The following EXOC1 variants were observed in gnomAD, a reference collection of about 807,000 sequenced individuals.
EXOC1 encodes the protein SEC3-like 1.
EXOC1 carries 67 observed loss-of-function variants against 107.7 expected under a neutral mutation model. The ratio of observed to expected loss-of-function variants is 0.62; its 90% CI spans 0.51 to 0.76. EXOC1 has a LOEUF of 0.76. Among genes scored for constraint, EXOC1 ranks in the 30% least tolerant of loss-of-function variants. The pLI is 0.00. For synonymous variants in EXOC1, 348 were observed against 353.5 expected (o/e 0.98, Z 0.17); for missense variants, 833 against 1,055.7 (o/e 0.79, Z 2.92).
At chr4:55,870,435 C>T (rs1722320674) in intron 5 of EXOC1, among the ~76,000 whole-genome samples, 1 of 152,202 alleles carries the variant, frequency 6.6e-6, no homozygotes, top group Non-Finnish European at 1.5e-5. Flanking sequence ...ATATAAAATC[C>T]TAAGGCATGG....
intron 8 of EXOC1, chr4:55,877,227 C>T (rs2110347021): frequency 3.0e-6 from 3 of 985,348 alleles, no homozygotes; most frequent in Non-Finnish European, 3.6e-6. Context: ...AGTTAACTAG[C>T]TCCAAAACTC....
rs1383154786 is a variant in EXOC1 at position 55,875,679 on chromosome 4, T to G, written c.1075-2238T>G. 7 of 985,060 alleles carry G rather than the reference T, an allele frequency of 7.1e-6. No individual in the cohort carries two copies. The African/African-American group carries it at 1.0e-4, about 15-fold the overall frequency. The allele number at this position is 985,060 out of a possible 1,614,324, so 61.0% of individuals were successfully genotyped here. The stretch of plus-strand genomic sequence containing the variant: ...TGAGGAAGATTGTTTTGGATAACGA[T>G]ACATTGTTACTAATAAAAACTATTT... On this transcript the variant is annotated intron_variant, in intron 8 of 18. Transcript: ENST00000381295.
At chr4:55,903,446 A>T (rs2109526936) in intron 18 of EXOC1, among the ~76,000 whole-genome samples, 1 of 152,312 alleles carries the variant, frequency 6.6e-6, no homozygotes, top group East Asian at 1.9e-4. Flanking sequence ...AGGGAGTAGC[A>T]TTCTAGAAAG....
In EXOC1 at chr4:55,863,478, G is replaced by A. The variant is rs555577600; in HGVS notation, c.256-749G>A. Among the ~76,000 whole-genome samples the A allele has an allele frequency of 1.7e-3, 253 of 152,166 alleles. 1 individual carries two copies. Among genetic ancestry groups the A allele is most frequent in the Non-Finnish European group, 4.7e-4 (32 of 67,998 alleles). On this transcript the variant is annotated intron_variant, in intron 3 of 18. Transcript: ENST00000381295. The stretch of plus-strand genomic sequence containing the variant: ...AACATTTTAAAAATTAGGCATGCTG[G>A]TATGTGTCCGTGTCCCCAGCTACTC...
chr4:55,901,141 C>T (rs1725854904), intron 17 of EXOC1, among the ~76,000 whole-genome samples: 2 of 152,048 alleles, frequency 1.3e-5, no homozygotes. Context: ...AAGCACTAGC[C>T]AGTTCAACAA....
chr4:55,875,449 A>C, intron 8 of EXOC1: 1 of 982,710 alleles, frequency 1.0e-6, no homozygotes, highest in South Asian at 4.7e-5. Context: ...TTTGACCCCA[A>C]TGTATCATTT....
At chr4:55,865,426 G>C (rs1383552999) in intron 4 of EXOC1, among the ~76,000 whole-genome samples, 1 of 152,140 alleles carries the variant, frequency 6.6e-6, no homozygotes, top group Non-Finnish European at 1.5e-5. Flanking sequence ...CAGTAGTGCT[G>C]GTCTTATGTA....
Position 55,892,656 on chromosome 4 carries a change from G to A in EXOC1, c.1669G>A (p.Gly557Arg), listed in dbSNP as rs767665687. Residue 557 changes from glycine (G) to arginine (R), a missense_variant, in exon 14 of 19, where the codon GGA becomes AGA. Gly to Arg is a moderately radical substitution (Grantham distance 125). Around this residue, in one of 2 missense-constraint regions of EXOC1, gnomAD observed 617 missense variants for 701.3 expected, o/e 0.88. Coordinates refer to ENST00000381295, the MANE Select transcript of EXOC1 (RefSeq NM_001024924.2). ...GCAGGCTGAAGCAGAGGACCTGGAT[G>A]GAGGAACATTATCACGGCAACATAA... Reference protein sequence around the residue: ...GTMAEAEDLDGGTLSRQHNCG... With the variant: ...GTMAEAEDLDRGTLSRQHNCG... 3.1e-6 allele frequency: 5 copies of A among 1,614,082 alleles called. No individual in the cohort carries two copies. Among genetic ancestry groups the A allele is most frequent in the Non-Finnish European group, 4.2e-6 (5 of 1,179,978 alleles).
chr4:55,869,324 CCACTG>C (rs1201425306), intron 5 of EXOC1, among the ~76,000 whole-genome samples: 1 of 152,108 alleles, frequency 6.6e-6, no homozygotes, highest in African/African-American at 2.4e-5. Context: ...TGAGATCGTG[CCACTG>C]CACTCCAGCT....
Position 55,899,680 on chromosome 4 carries a change from T to G in EXOC1, c.2138-5T>G. The G allele has an allele frequency of 6.2e-7, 1 of 1,606,910 alleles. No individual in the cohort carries two copies. Among genetic ancestry groups the G allele is most frequent in the Non-Finnish European group, 8.5e-7 (1 of 1,177,448 alleles). On this transcript the variant is annotated splice_region_variant and splice_polypyrimidine_tract_variant and intron_variant, in intron 16 of 18. Coordinates refer to ENST00000381295, the MANE Select transcript of EXOC1 (RefSeq NM_001024924.2). The stretch of plus-strand genomic sequence containing the variant: ...GTTATTTTATTTTTTCTGTTTTGGT[T>G]TTAGTGGAGAAAGTAGCAAATGAAA...
At position 55,889,433 on chromosome 4, in the gene EXOC1, T is replaced by G. The variant is rs140232707; in HGVS notation, c.1375+501T>G. 1.2e-4 allele frequency among the ~76,000 whole-genome samples: 19 copies of G among 152,304 alleles called. No homozygotes were observed. In the East Asian group the frequency reaches 2.7e-3, roughly 22 times the overall value. On this transcript the variant is annotated intron_variant, in intron 11 of 18. Coordinates refer to ENST00000381295, the MANE Select transcript of EXOC1 (RefSeq NM_001024924.2). The stretch of plus-strand genomic sequence containing the variant: ...TCTAAAAATCAAATCCTTTAATTCC[T>G]TGGTGTATGTGAGCTATTGCCAGCT...
At chr4:55,860,272 G>C (rs1560328666) in intron 2 of EXOC1, 139 bp from the exon 3 acceptor site, 1 of 958,344 alleles carries the variant, frequency 1.0e-6, no homozygotes, top group African/African-American at 1.7e-5. Flanking sequence ...GCTTTCCTCG[G>C]TCATAGCACT....
chr4:55,886,016 C>T (rs764747077), intron 10 of EXOC1, among the ~76,000 whole-genome samples: 1 of 152,038 alleles, frequency 6.6e-6, no homozygotes, highest in Non-Finnish European at 1.5e-5. Context: ...GCAGTCAGTA[C>T]GAACCATACT....
intron 3 of EXOC1, among the ~76,000 whole-genome samples, chr4:55,863,858 A>G (rs1237084785): frequency 6.6e-6 from 1 of 152,232 alleles, no homozygotes. Flanking sequence ...AAGAAAATGT[A>G]TAACTAAAAC....
At chr4:55,893,202 C>CT (rs1724786416) in intron 14 of EXOC1, among the ~76,000 whole-genome samples, 1 of 152,178 alleles carries the variant, frequency 6.6e-6, no homozygotes, top group Non-Finnish European at 1.5e-5. Flanking sequence ...TGCAACTGCA[C>CT]TTCACCTCCC....
intron 3 of EXOC1, among the ~76,000 whole-genome samples, chr4:55,860,752 T>C (rs1038482023): frequency 2.0e-5 from 3 of 152,172 alleles, no homozygotes; most frequent in Admixed American, 2.0e-4. Flanking sequence ...TGTGTTTAGA[T>C]TAAGTATAAT....
At chr4:55,860,920 G>A (rs1404697739) in intron 3 of EXOC1, among the ~76,000 whole-genome samples, 1 of 150,880 alleles carries the variant, frequency 6.6e-6, no homozygotes, top group Admixed American at 6.6e-5. Flanking sequence ...CAGCCAGACT[G>A]GCCTTTTGAG....
At chr4:55,855,503 T>A (rs1221913327) in intron 1 of EXOC1, among the ~76,000 whole-genome samples, 1 of 152,220 alleles carries the variant, frequency 6.6e-6, no homozygotes. Context: ...TGTCAAGTTC[T>A]AGGAATACAA....
chr4:55,868,176 A>G (rs1440522559), intron 4 of EXOC1, among the ~76,000 whole-genome samples, 160 bp from the exon 5 acceptor site: 2 of 152,170 alleles, frequency 1.3e-5, no homozygotes, highest in Non-Finnish European at 2.9e-5. Context: ...AATTATTTAT[A>G]AAAATAAAGT....
Sources: gnomAD v4.1 joint callset for allele counts (sites outside exome capture counted in the v4.1 genomes callset) on GRCh38, gnomAD v4.1.1 for gene constraint, gnomAD v4.1.1 regional missense constraint, MANE v1.5 for transcripts, NCBI Gene and HGNC (gene_info 2026-07-23, HGNC 2026-07-21) for gene names.